The following IQCN variants were observed in gnomAD, a reference collection of about 807,000 sequenced individuals.
IQCN encodes IQ domain-containing protein N.
A neutral mutation model predicts 64.4 loss-of-function variants in IQCN; 46 were observed. The ratio of observed to expected loss-of-function variants is 0.71; its 90% CI spans 0.56 to 0.91. IQCN has a LOEUF of 0.91. IQCN is among the 40% of genes least tolerant of loss of function. The pLI is 0.00. For synonymous variants in IQCN, 733 were observed against 775.6 expected (o/e 0.95, Z 0.91); for missense variants, 1,753 against 1,857.4 (o/e 0.94, Z 1.03).
chr19:18,272,812 A>G (rs1387344952), intron 1 of IQCN, among the ~76,000 whole-genome samples: 7 of 151,470 alleles, frequency 4.6e-5, no homozygotes, highest in East Asian at 2.0e-4. Context: ...GGGTTTCACT[A>G]TGCTAGCCAG....
Position 18,264,237 on chromosome 19 carries a change from AC to A in IQCN, c.3177+125del. On this transcript the variant is annotated intron_variant, in intron 3 of 3. Transcript: ENST00000392413. The surrounding 1 kb of genome is among the most constrained non-coding windows in gnomAD (Gnocchi z 4.3). ...GACGCTACCCATCACCGAGGCTCCC[AC>A]AGTGACCACAGATAAGCAGGGTGAC... The A allele has an allele frequency of 1.2e-6, 1 of 827,408 alleles. No individual in the cohort carries two copies. Among genetic ancestry groups the A allele is most frequent in the Non-Finnish European group, 1.8e-6 (1 of 548,612 alleles). 51.3% of individuals were successfully genotyped at this position (827,408 alleles called of 1,614,324 possible). A position where few individuals can be genotyped will look rare whatever the true frequency, so the allele number is the denominator to read the frequency against.
intron 3 of IQCN, chr19:18,260,728 CCA>C (rs1343745076): frequency 2.0e-5 from 3 of 152,714 alleles, no homozygotes; most frequent in Non-Finnish European, 4.4e-5. Flanking sequence ...GCCCCACTGG[CCA>C]CATATGGGTG....
chr19:18,266,987 GC>G lies in IQCN; in HGVS notation c.552del (p.Ile186SerfsTer3). ...QHPEENRLLS[P>X]PIMVNKETQF... ...TGGGTCTCCTTGTTCACCATGATGG[GC>G]GGGGACAGAAGGCGGTTCTCTTCCG... On this transcript the variant is annotated frameshift_variant, in exon 3 of 4. Coordinates refer to ENST00000392413, the MANE Select transcript of IQCN (RefSeq NM_001145304.2). LOFTEE classifies it high-confidence loss of function. The surrounding 1 kb of genome is among the most constrained non-coding windows in gnomAD (Gnocchi z 4.3). 1 of 1,614,140 alleles carries G rather than the reference GC, an allele frequency of 6.2e-7. No individual in the cohort carries two copies. Among genetic ancestry groups the G allele is most frequent in the Non-Finnish European group, 8.5e-7 (1 of 1,179,974 alleles).
At position 18,266,618 on chromosome 19, in the gene IQCN, TC is replaced by T. The variant is rs1969593130; in HGVS notation, c.921del (p.Arg308AspfsTer11). 2 of 1,613,986 alleles carry T rather than the reference TC, an allele frequency of 1.2e-6. No homozygotes were observed. Among genetic ancestry groups the T allele is most frequent in the Non-Finnish European group, 1.7e-6 (2 of 1,179,922 alleles). On this transcript the variant is annotated frameshift_variant, in exon 3 of 4. Transcript: ENST00000392413. LOFTEE classifies it high-confidence loss of function. The surrounding 1 kb of genome is among the most constrained non-coding windows in gnomAD (Gnocchi z 4.3). Reference protein sequence around the residue: ...PLSRRYDQAVTRPSRAQTQGP... With the variant: ...PLSRRYDQAVXRPSRAQTQGP... ...CCCTGGGTTTGGGCTCTGGATGGTC[TC>T]GTAACTGCCTGGTCATACCTTCTGG...
Position 18,266,280 on chromosome 19 carries a change from A to G in IQCN, c.1260T>C (p.Pro420=). ...SRTGTPRQTC[P]ATITAKNRPQ... Reference sequence around the variant, plus strand: ...GTCGGTTCTTTGCCGTGATGGTCGCAGGGCATGTCTGCCGTGGGGTGCCAG... The same window carrying G: ...GTCGGTTCTTTGCCGTGATGGTCGCGGGGCATGTCTGCCGTGGGGTGCCAG... Residue 420 remains proline (P), a synonymous_variant, in exon 3 of 4, where the codon CCT becomes CCC. Transcript: ENST00000392413. The surrounding 1 kb of genome is among the most constrained non-coding windows in gnomAD (Gnocchi z 4.3). 1 of 1,613,460 alleles carries G rather than the reference A, an allele frequency of 6.2e-7. No homozygotes were observed.
At chr19:18,259,082 C>T (rs1969376062) in intron 3 of IQCN, 1 of 154,886 alleles carries the variant, frequency 6.5e-6, no homozygotes, top group Admixed American at 6.3e-5. Context: ...CCCTGTGACC[C>T]CAGATGGCAT....
At position 18,265,602 on chromosome 19, in the gene IQCN, G is replaced by T. The variant is rs1444711070; in HGVS notation, c.1938C>A (p.His646Gln). The T allele has an allele frequency of 2.5e-6, 4 of 1,613,912 alleles. No homozygotes were observed. Among genetic ancestry groups the T allele is most frequent in the Non-Finnish European group, 3.4e-6 (4 of 1,179,928 alleles). The change falls in exon 3 of 4, where the codon CAC becomes CAA. Residue 646 changes from histidine to glutamine, a missense_variant. By Grantham distance (24) the His-to-Gln change is conservative (BLOSUM62 0). Transcript: ENST00000392413. This position sits in a 1 kb window ranked among gnomAD's most constrained non-coding sequence, Gnocchi z 4.7. ...CAGCCATGTCTACAGGCACATACACGTGAGGTGGCTTGTCCCCTTCCTCAG... is the reference window on the plus strand; with the variant it reads ...CAGCCATGTCTACAGGCACATACACTTGAGGTGGCTTGTCCCCTTCCTCAG... ...KVAEEGDKPP[H>Q]VYVPVDMAVT...
chr19:18,269,446 C>A lies in IQCN; in HGVS notation c.13+20G>T, dbSNP rs527980442. The A allele has an allele frequency of 3.8e-5, 61 of 1,613,432 alleles. 1 individual carries two copies. In the South Asian group the frequency reaches 6.4e-4, roughly 17 times the overall value. On this transcript the variant is annotated intron_variant, in intron 2 of 3. Coordinates refer to ENST00000392413, the MANE Select transcript of IQCN (RefSeq NM_001145304.2). Reference sequence around the variant, plus strand: ...CAGGTTGGACTAGCCAGACCCCTTGCCCATAGACCATCTTCTTACCTTGAA... The same window carrying A: ...CAGGTTGGACTAGCCAGACCCCTTGACCATAGACCATCTTCTTACCTTGAA...
At position 18,265,776 on chromosome 19, in the gene IQCN, CG is replaced by C; in HGVS notation, c.1763del (p.Pro588ArgfsTer64). 8 of 1,614,130 alleles carry C rather than the reference CG, an allele frequency of 5.0e-6. No homozygotes were observed. Among genetic ancestry groups the C allele is most frequent in the Non-Finnish European group, 6.8e-6 (8 of 1,180,016 alleles). On this transcript the variant is annotated frameshift_variant, in exon 3 of 4. Transcript: ENST00000392413. LOFTEE classifies it high-confidence loss of function. This position sits in a 1 kb window ranked among gnomAD's most constrained non-coding sequence, Gnocchi z 4.7. ...CTGCAGCCCTGGGGACCCCAGTTCC[CG>C]GATGTGGTTGAGCCAGGCACCTGAT... is the stretch of plus-strand genomic sequence containing the variant. ...GKIRCLAQPH[P>X]GTGVPRAAAE...
Position 18,265,534 on chromosome 19 carries a change from G to A in IQCN, c.2006C>T (p.Ala669Val). The change falls in exon 3 of 4, where the codon GCC becomes GTC. Residue 669 changes from alanine (A) to valine (V), a missense_variant. Transcript: ENST00000392413. The surrounding 1 kb of genome is among the most constrained non-coding windows in gnomAD (Gnocchi z 4.7). The stretch of plus-strand genomic sequence containing the variant: ...GCAGGGTGGATGTCTCTGGGATGAG[G>A]CATTGGTCAGTGGGGCAGCCAGCTG... ...RGQLAAPLTN[A>V]SSQRHPPCLS... The A allele has an allele frequency of 6.2e-7, 1 of 1,612,282 alleles. No individual in the cohort carries two copies. Among genetic ancestry groups the A allele is most frequent in the Admixed American group, 1.7e-5 (1 of 59,984 alleles).
chr19:18,265,898 G>A lies in IQCN; in HGVS notation c.1642C>T (p.His548Tyr). Residue 548 changes from histidine (H) to tyrosine (Y), a missense_variant, in exon 3 of 4, where the codon CAT (histidine) becomes TAT (tyrosine). Coordinates refer to ENST00000392413, the MANE Select transcript of IQCN (RefSeq NM_001145304.2). This position sits in a 1 kb window ranked among gnomAD's most constrained non-coding sequence, Gnocchi z 4.7. Reference protein sequence around the residue: ...AGTPNTSGSIHENPPKAKATV... With the variant: ...AGTPNTSGSIYENPPKAKATV... ...GCCTTGGCCTTGGGTGGGTTCTCAT[G>A]GATGGAGCCTGAGGTGTTGGGAGTT... 1.2e-6 allele frequency: 2 copies of A among 1,614,226 alleles called. No homozygotes were observed. Among genetic ancestry groups the A allele is most frequent in the Middle Eastern group, 1.6e-4 (1 of 6,062 alleles).
intron 3 of IQCN, among the ~76,000 whole-genome samples, chr19:18,263,287 C>T (rs927281765): frequency 8.5e-5 from 13 of 152,192 alleles, no homozygotes; most frequent in African/African-American, 2.7e-4. Flanking sequence ...AGAGAGCTTT[C>T]GGAATTGTTC....
intron 3 of IQCN, chr19:18,259,433 T>G (rs1446689270): frequency 6.6e-6 from 1 of 152,232 alleles, no homozygotes; most frequent in Non-Finnish European, 1.5e-5. Flanking sequence ...GTCTTACAGA[T>G]AGACTTGGCT....
intron 1 of IQCN, among the ~76,000 whole-genome samples, chr19:18,272,941 C>T (rs1337319256): frequency 6.6e-6 from 1 of 151,836 alleles, no homozygotes; most frequent in African/African-American, 2.4e-5. Context: ...CAAGACATAA[C>T]GAAAGAAATT....
chr19:18,257,110 G>A lies in IQCN; in HGVS notation c.*70C>T. The stretch of plus-strand genomic sequence containing the variant: ...ATCACCCAAGATCTAGGCTGTGGAG[G>A]ACTTTATTCATTAGACCCAGAGAGC... On this transcript the variant is annotated 3_prime_UTR_variant, in exon 4 of 4. Coordinates refer to ENST00000392413, the MANE Select transcript of IQCN (RefSeq NM_001145304.2). The A allele has an allele frequency of 6.8e-7, 1 of 1,480,510 alleles. No homozygotes were observed. The highest frequency in any genetic ancestry group is 1.2e-5 in the South Asian group (1 of 85,326). 91.7% of individuals were successfully genotyped at this position (1,480,510 alleles called of 1,614,324 possible). A position where few individuals can be genotyped will look rare whatever the true frequency, so the allele number is the denominator to read the frequency against.
At chr19:18,270,399 T>A (rs1600136599) in intron 1 of IQCN, among the ~76,000 whole-genome samples, 1 of 145,480 alleles carries the variant, frequency 6.9e-6, no homozygotes, top group East Asian at 2.1e-4. Context: ...GTGGCTCACG[T>A]CTGTAACCCC....
At position 18,264,640 on chromosome 19, in the gene IQCN, A is replaced by C; in HGVS notation, c.2900T>G (p.Met967Arg). The C allele has an allele frequency of 5.2e-6, 8 of 1,551,324 alleles. No homozygotes were observed. The highest frequency in any genetic ancestry group is 7.0e-6 in the Non-Finnish European group (8 of 1,146,966). Residue 967 changes from methionine (M) to arginine (R), a missense_variant, in exon 3 of 4, where the codon ATG becomes AGG. Met to Arg is a moderately conservative substitution (Grantham distance 91, BLOSUM62 -1). Coordinates refer to ENST00000392413, the MANE Select transcript of IQCN (RefSeq NM_001145304.2). This position sits in a 1 kb window ranked among gnomAD's most constrained non-coding sequence, Gnocchi z 4.3. ...AAGCACCTCGGCCAATTTACCCTGC[A>C]TGACCTTGGTGAGTTCCGCCCGCAG... ...GELRAELTKV[M>R]QGKLAEVLSK...
chr19:18,263,903 C>T (rs1969483901), intron 3 of IQCN, among the ~76,000 whole-genome samples: 1 of 152,088 alleles, frequency 6.6e-6, no homozygotes, highest in South Asian at 2.1e-4. Context: ...TGTGGCAGCT[C>T]GGGGCTGTGC....
chr19:18,263,815 T>A lies in IQCN; in HGVS notation c.3177+548A>T, dbSNP rs576136734. On this transcript the variant is annotated intron_variant, in intron 3 of 3. Coordinates refer to ENST00000392413, the MANE Select transcript of IQCN (RefSeq NM_001145304.2). The stretch of plus-strand genomic sequence containing the variant: ...TGGGCAGCCCTCCCACCACCCACGC[T>A]GCAAGGAAGCCTACCCGAGGCCACC... Among the ~76,000 whole-genome samples, 8 of 152,192 alleles carry A rather than the reference T, an allele frequency of 5.3e-5. No homozygotes were observed. In the South Asian group the frequency reaches 1.7e-3, roughly 32 times the overall value.
Sources: allele counts gnomAD v4.1 joint callset (sites outside exome capture counted in the v4.1 genomes callset), GRCh38; gene constraint gnomAD v4.1.1; non-coding constraint Gnocchi (gnomAD v3.1); transcripts MANE v1.5; gene names NCBI Gene and HGNC (gene_info 2026-07-23, HGNC 2026-07-21).